ASIC2: variants seen among roughly 807,000 people sequenced by gnomAD.
ASIC2 encodes acid-sensing ion channel 2.
ASIC2 carries 25 observed loss-of-function variants against 57.3 expected under a neutral mutation model. That is an observed-to-expected ratio of 0.44 (90% CI 0.32 to 0.61). ASIC2 has a LOEUF of 0.61. Among genes scored for constraint, ASIC2 ranks in the 20% least tolerant of loss-of-function variants. The pLI is 0.06. For missense variants in ASIC2, 641 were observed against 738.1 expected (o/e 0.87, Z 1.52); for synonymous variants, 319 against 307.5 (o/e 1.04, Z -0.39).
chr17:33,462,529 C>T (rs1246376203), intron 1 of ASIC2, among the ~76,000 whole-genome samples: 2 of 152,198 alleles, frequency 1.3e-5, no homozygotes, highest in Non-Finnish European at 2.9e-5. Context: ...AGCAGAGGCA[C>T]CTACCAGCCC....
intron 1 of ASIC2, among the ~76,000 whole-genome samples, chr17:33,414,125 C>T (rs1305370886): frequency 6.6e-6 from 1 of 152,090 alleles, no homozygotes; most frequent in Non-Finnish European, 1.5e-5. Flanking sequence ...GCGAGGCTCT[C>T]CAACTTAAGA....
At chr17:33,737,924 A>T (rs1306692710) in intron 1 of ASIC2, among the ~76,000 whole-genome samples, 1 of 152,244 alleles carries the variant, frequency 6.6e-6, no homozygotes, top group Non-Finnish European at 1.5e-5. Flanking sequence ...CCAACTTTCC[A>T]GAGAAGGAAA....
chr17:33,812,096 A>G (rs1912439049), intron 1 of ASIC2, among the ~76,000 whole-genome samples: 2 of 152,094 alleles, frequency 1.3e-5, no homozygotes, highest in African/African-American at 2.4e-5. Context: ...TTTCTTATCC[A>G]TGCTAATTGT....
chr17:33,636,885 A>ACC (rs1906387659), intron 1 of ASIC2, among the ~76,000 whole-genome samples: 2 of 151,870 alleles, frequency 1.3e-5, no homozygotes, highest in Admixed American at 1.3e-4. Context: ...ACACCCACAC[A>ACC]CACACACACA....
chr17:33,054,684 T>A (rs1384788784), intron 3 of ASIC2, among the ~76,000 whole-genome samples: 1 of 152,156 alleles, frequency 6.6e-6, no homozygotes, highest in Non-Finnish European at 1.5e-5. Flanking sequence ...AGCACTTCAT[T>A]TATCAAGTAA....
At chr17:33,429,536 G>A (rs926187037) in intron 1 of ASIC2, among the ~76,000 whole-genome samples, 6 of 151,930 alleles carry the variant, frequency 3.9e-5, no homozygotes, top group South Asian at 2.1e-4. Context: ...GACTACAGGC[G>A]CCTGCCACCA....
At chr17:33,048,306 AATCTCTC>A (rs1425615160) in intron 3 of ASIC2, among the ~76,000 whole-genome samples, 2 of 152,180 alleles carry the variant, frequency 1.3e-5, no homozygotes, top group South Asian at 4.1e-4. Flanking sequence ...GCTGACTAAG[AATCTCTC>A]ATCTCTCTCA....
chr17:33,538,238 C>A (rs1915298128), intron 1 of ASIC2, among the ~76,000 whole-genome samples: 1 of 152,120 alleles, frequency 6.6e-6, no homozygotes, highest in Admixed American at 6.5e-5. Flanking sequence ...GGAAGCTAAA[C>A]AGGACTTAGA....
At chr17:33,366,906 T>A (rs1567837512) in intron 1 of ASIC2, among the ~76,000 whole-genome samples, 1 of 152,230 alleles carries the variant, frequency 6.6e-6, no homozygotes, top group Non-Finnish European at 1.5e-5. Context: ...AGAAGAAATG[T>A]TTGCAATGAG....
chr17:34,059,913 G>C (rs1429482848), intron 1 of ASIC2, among the ~76,000 whole-genome samples: 1 of 152,166 alleles, frequency 6.6e-6, no homozygotes, highest in African/African-American at 2.4e-5. Flanking sequence ...TACCCACCCT[G>C]GTAGCAAAAG....
intron 1 of ASIC2, among the ~76,000 whole-genome samples, chr17:33,387,489 T>G (rs1909728921): frequency 1.3e-5 from 2 of 152,228 alleles, no homozygotes; most frequent in South Asian, 4.1e-4. Context: ...TTCTGCAACC[T>G]CTTTCTCATT....
chr17:33,271,029 A>G (rs1462473869), intron 1 of ASIC2, among the ~76,000 whole-genome samples: 2 of 152,178 alleles, frequency 1.3e-5, no homozygotes, highest in Non-Finnish European at 2.9e-5. Flanking sequence ...TCCAAAACCT[A>G]TGCTTCCAAC....
intron 1 of ASIC2, among the ~76,000 whole-genome samples, chr17:33,374,804 G>A (rs1024412675): frequency 6.6e-6 from 1 of 152,180 alleles, no homozygotes; most frequent in African/African-American, 2.4e-5. Context: ...TTTCACTGAT[G>A]AGGGAGGAGT....
chr17:33,013,999 G>A lies in ASIC2; in HGVS notation c.1658C>T (p.Thr553Met), dbSNP rs201100877. ...AATCTCCTCCAAGGTCCCCAGGGTC[G>A]TCTGCAGGGGCACGTTCACAGTGTG... ...ISHTVNVPLQ[T>M]TLGTLEEIAC The change falls in exon 10 of 10, where the codon ACG (threonine) becomes ATG (methionine). Residue 553 changes from threonine (T) to methionine (M), a missense_variant. By Grantham distance (81) the Thr-to-Met change is moderately conservative (BLOSUM62 -1). Coordinates refer to ENST00000225823, the MANE Select transcript of ASIC2 (RefSeq NM_183377.2). 52 of 1,602,896 alleles carry A rather than the reference G, an allele frequency of 3.2e-5. No individual in the cohort carries two copies. The highest frequency in any genetic ancestry group is 3.3e-4 in the Middle Eastern group (2 of 6,058).
At chr17:33,857,144 C>T (rs755247044) in intron 1 of ASIC2, among the ~76,000 whole-genome samples, 5 of 152,190 alleles carry the variant, frequency 3.3e-5, no homozygotes, top group Non-Finnish European at 5.9e-5. Flanking sequence ...CCCACGCTCA[C>T]TCCAGCCAAA....
chr17:33,707,758 C>A (rs553209026), intron 1 of ASIC2, among the ~76,000 whole-genome samples: 2 of 152,122 alleles, frequency 1.3e-5, no homozygotes, highest in Non-Finnish European at 2.9e-5. Flanking sequence ...GGTATCTTTT[C>A]GCATTTAAAA....
intron 3 of ASIC2, among the ~76,000 whole-genome samples, chr17:33,046,862 C>A (rs974407163): frequency 2.6e-5 from 4 of 152,210 alleles, no homozygotes; most frequent in Non-Finnish European, 5.9e-5. Context: ...CGCTGGAGGC[C>A]GGGCAGAGTC....
intron 1 of ASIC2, chr17:34,155,729 A>C: frequency 3.4e-5 from 16 of 473,158 alleles, no homozygotes; most frequent in East Asian, 7.8e-5. Context: ...CGTCTGGGGA[A>C]GTGATCCCCC....
At chr17:34,044,503 C>T (rs58384243) in intron 1 of ASIC2, among the ~76,000 whole-genome samples, 23,283 of 152,036 alleles carry the variant, frequency 0.15, 2,237 homozygotes, top group East Asian at 0.31. Context: ...AGCGGCCAGG[C>T]GTTCCTAAAA....
Sources: allele counts gnomAD v4.1 joint callset (sites outside exome capture counted in the v4.1 genomes callset), GRCh38; gene constraint gnomAD v4.1.1; transcripts MANE v1.5; gene names NCBI Gene and HGNC (gene_info 2026-07-23, HGNC 2026-07-21).